KIAA0232: variants seen among roughly 807,000 people sequenced by gnomAD.
The protein encoded by KIAA0232 is KIAA0232, also known as uncharacterized protein KIAA0232.
KIAA0232 carries 27 observed loss-of-function variants against 122.0 expected under a neutral mutation model. The ratio of observed to expected loss-of-function variants is 0.22; its 90% confidence interval spans 0.16 to 0.31. KIAA0232 has a LOEUF of 0.31. Among genes scored for constraint, KIAA0232 ranks in the 10% least tolerant of loss-of-function variants. The probability of loss-of-function intolerance (pLI) is 1.00; values close to 1 mark genes in which losing one functional copy is unlikely to be tolerated. For synonymous variants in KIAA0232, 613 were observed against 587.6 expected (o/e 1.04, Z -0.63); for missense variants, 1,551 against 1,634.2 (o/e 0.95, Z 0.88).
At chr4:6,852,910 T>C (rs1380303825) in intron 4 of KIAA0232, among the ~76,000 whole-genome samples, 1 of 152,186 alleles carries the variant, frequency 6.6e-6, no homozygotes, top group Admixed American at 6.5e-5. Flanking sequence ...CAACATCTTA[T>C]TGTGAAACCC....
chr4:6,874,128 T>C (rs952652886), intron 8 of KIAA0232, among the ~76,000 whole-genome samples: 1 of 152,200 alleles, frequency 6.6e-6, no homozygotes, highest in Non-Finnish European at 1.5e-5. Context: ...AGCCCCAGCT[T>C]TGTGCAGTCT....
intron 7 of KIAA0232, among the ~76,000 whole-genome samples, chr4:6,866,992 T>C (rs1721220538): frequency 6.6e-6 from 1 of 152,260 alleles, no homozygotes; most frequent in South Asian, 2.1e-4. Context: ...GTGTGAGTTC[T>C]GATGTATTCT....
At chr4:6,852,102 A>G (rs970848197) in intron 4 of KIAA0232, among the ~76,000 whole-genome samples, 2 of 152,000 alleles carry the variant, frequency 1.3e-5, no homozygotes, top group African/African-American at 2.4e-5. Context: ...GTTTGAAGAT[A>G]TTTATCCATT....
rs1054498733 is a variant in KIAA0232 at position 6,855,207 on chromosome 4, C to T, written c.370-1957C>T. 3.9e-5 allele frequency among the ~76,000 whole-genome samples: 6 copies of T among 152,062 alleles called. No individual in the cohort carries two copies. Among genetic ancestry groups the T allele is most frequent in the African/African-American group, 1.4e-4 (6 of 41,382 alleles). ...TCAAGCAGTTCTCCTGCCTCAGCCTCCCAAGTAGCTAAGATTACAGGTGCC... is the reference window on the plus strand; with the variant it reads ...TCAAGCAGTTCTCCTGCCTCAGCCTTCCAAGTAGCTAAGATTACAGGTGCC... On this transcript the variant is annotated intron_variant, in intron 4 of 9. Coordinates refer to ENST00000307659, the MANE Select transcript of KIAA0232 (RefSeq NM_014743.3). This position sits in a 1 kb window ranked among gnomAD's most constrained non-coding sequence, Gnocchi z 4.3.
chr4:6,860,168 A>G (rs1417690364), intron 6 of KIAA0232, among the ~76,000 whole-genome samples: 1 of 152,220 alleles, frequency 6.6e-6, no homozygotes, highest in Non-Finnish European at 1.5e-5. Flanking sequence ...AATGCCAGGC[A>G]GTATGCTAGC....
intron 3 of KIAA0232, among the ~76,000 whole-genome samples, chr4:6,836,102 C>G (rs1289895804): frequency 6.6e-6 from 1 of 152,222 alleles, no homozygotes. Context: ...AGAAGCGTTC[C>G]TATCTCTCCA....
chr4:6,817,195 G>C (rs1274167291), intron 2 of KIAA0232, among the ~76,000 whole-genome samples: 1 of 152,116 alleles, frequency 6.6e-6, no homozygotes, highest in Non-Finnish European at 1.5e-5. Flanking sequence ...TCTCAGGACT[G>C]CTTTTGTGGC....
intron 1 of KIAA0232, among the ~76,000 whole-genome samples, chr4:6,802,363 C>A (rs1419943351): frequency 1.3e-5 from 2 of 152,170 alleles, no homozygotes; most frequent in African/African-American, 4.8e-5. Context: ...CGGAGCACTC[C>A]CAGCAGCTGG....
chr4:6,834,145 G>A (rs749705503), intron 3 of KIAA0232, among the ~76,000 whole-genome samples: 6 of 152,158 alleles, frequency 3.9e-5, no homozygotes, highest in Non-Finnish European at 7.4e-5. Context: ...AGGCTGGAGT[G>A]CAGTGTTTCT....
At chr4:6,834,536 C>A (rs1719165497) in intron 3 of KIAA0232, among the ~76,000 whole-genome samples, 1 of 152,190 alleles carries the variant, frequency 6.6e-6, no homozygotes, top group Non-Finnish European at 1.5e-5. Flanking sequence ...GTATTTCCAA[C>A]ATTTACCCTA....
At chr4:6,865,545 C>T (rs1323988429) in intron 7 of KIAA0232, among the ~76,000 whole-genome samples, 2 of 152,240 alleles carry the variant, frequency 1.3e-5, no homozygotes. Flanking sequence ...AAGTGATCCA[C>T]CTGCCTTGGC....
At chr4:6,853,824 G>C (rs1720423482) in intron 4 of KIAA0232, among the ~76,000 whole-genome samples, 1 of 152,336 alleles carries the variant, frequency 6.6e-6, no homozygotes, top group Non-Finnish European at 1.5e-5. Context: ...AAATGTTGTA[G>C]GGATGGGAAG....
chr4:6,791,809 G>C (rs544927837), intron 1 of KIAA0232, among the ~76,000 whole-genome samples: 3 of 152,226 alleles, frequency 2.0e-5, no homozygotes, highest in South Asian at 4.1e-4. Context: ...TTCCATATCA[G>C]ACATACAGAT....
In KIAA0232 at chr4:6,862,785, A is replaced by G. The variant is rs781726098; in HGVS notation, c.2403A>G (p.Glu801=). The G allele has an allele frequency of 6.2e-7, 1 of 1,614,112 alleles. No individual in the cohort carries two copies. Among genetic ancestry groups the G allele is most frequent in the Non-Finnish European group, 8.5e-7 (1 of 1,180,022 alleles). The change falls in exon 7 of 10, where the codon GAA becomes GAG. Residue 801 remains glutamate (E), a synonymous_variant. Transcript: ENST00000307659. ...GTATTCAGCTAGAACAAAAAACAGA[A>G]AACAAAAATTTTGAAACTACACAAG... ...VCGIQLEQKT[E]NKNFETTQVC...
Position 6,860,935 on chromosome 4 carries a change from C to T in KIAA0232, c.553C>T (p.Pro185Ser), listed in dbSNP as rs1720817098. The T allele has an allele frequency of 3.1e-6, 5 of 1,613,780 alleles. No homozygotes were observed. The highest frequency in any genetic ancestry group is 2.7e-5 in the African/African-American group (2 of 74,878). The change falls in exon 7 of 10, where the codon CCA becomes TCA. Residue 185 changes from proline (P) to serine (S), a missense_variant. Around this residue, in one of 5 missense-constraint regions of KIAA0232, gnomAD observed 377 missense variants for 381.7 expected, o/e 0.99. Coordinates refer to ENST00000307659, the MANE Select transcript of KIAA0232 (RefSeq NM_014743.3). ...YEAFPPLSEK[P>S]VCLQEIMTVW... is the part of the protein sequence containing the mutation. ...AGCATTTCCACCACTTTCTGAGAAA[C>T]CAGTTTGCCTGCAAGAAATCATGAC...
At chr4:6,806,506 G>A (rs1280462053) in intron 2 of KIAA0232, among the ~76,000 whole-genome samples, 6 of 151,906 alleles carry the variant, frequency 3.9e-5, no homozygotes, top group South Asian at 2.1e-4. Context: ...AGGCCGAGGC[G>A]GGTGGATCAC....
At chr4:6,808,389 A>G (rs1377923590) in intron 2 of KIAA0232, among the ~76,000 whole-genome samples, 1 of 150,786 alleles carries the variant, frequency 6.6e-6, no homozygotes, top group African/African-American at 2.4e-5. Flanking sequence ...GGTACTGAGC[A>G]CACCAGCAAT....
chr4:6,836,547 T>C (rs1316425673), intron 3 of KIAA0232, among the ~76,000 whole-genome samples: 2 of 140,332 alleles, frequency 1.4e-5, no homozygotes, highest in East Asian at 2.0e-4. Context: ...TTTTCTTTTC[T>C]TTTTTTTTTT....
chr4:6,824,783 A>ATG, intron 3 of KIAA0232, 99 bp downstream of exon 3: 1 of 988,974 alleles, frequency 1.0e-6, no homozygotes, highest in Admixed American at 2.1e-5. Context: ...TGAGCTATTC[A>ATG]TGTGTGTGTG....
Sources: gnomAD v4.1 joint callset for allele counts (sites outside exome capture counted in the v4.1 genomes callset) on GRCh38, gnomAD v4.1.1 for gene constraint, gnomAD v4.1.1 regional missense constraint, Gnocchi (gnomAD v3.1) non-coding constraint, MANE v1.5 for transcripts, NCBI Gene and HGNC (gene_info 2026-07-23, HGNC 2026-07-21) for gene names.